The following ARHGAP12 variants were observed in gnomAD, a reference collection of about 807,000 sequenced individuals.
ARHGAP12 encodes Rho GTPase activating protein 12.
In ARHGAP12, 64 loss-of-function variants were observed where a neutral mutation model predicts 108.6. The ratio of observed to expected loss-of-function variants is 0.59; its 90% CI spans 0.48 to 0.73. ARHGAP12 has a LOEUF of 0.73. Ranked by LOEUF, ARHGAP12 falls within the 30% of genes least tolerant of loss-of-function variation. ARHGAP12 has a pLI of 0.00. For missense variants in ARHGAP12, 940 were observed against 1,005.9 expected, an observed-to-expected ratio of 0.93 and a Z score of 0.89; for synonymous variants, 312 against 337.2, an observed-to-expected ratio of 0.93 and a Z score of 0.82.
At chr10:31,807,983 TTCTG>T (rs1834877625) in intron 19 of ARHGAP12, 151 bp from the exon 20 acceptor site, 1 of 514,206 alleles carries the variant, frequency 1.9e-6, no homozygotes, top group Non-Finnish European at 3.1e-6. Context: ...CCAAGTAGAA[TTCTG>T]TCTAAATGCC....
chr10:31,866,405 G>GTTT lies in ARHGAP12; in HGVS notation c.685-4748_685-4747insAAA, dbSNP rs1592309991. On this transcript the variant is annotated intron_variant, in intron 3 of 19. Coordinates refer to ENST00000344936, the MANE Select transcript of ARHGAP12 (RefSeq NM_018287.7). ...GTGAGGCATTGTACAACAATCAGCT[G>GTTT]CAGACTGTAATCTTTGAGAGAAACA... Among the ~76,000 whole-genome samples the GTTT allele has an allele frequency of 2.6e-5, 4 of 152,290 alleles. No individual in the cohort carries two copies. The East Asian group carries it at 7.7e-4, about 29-fold the overall frequency.
At chr10:31,923,938 G>T (rs986397705) in intron 1 of ARHGAP12, among the ~76,000 whole-genome samples, 6 of 152,266 alleles carry the variant, frequency 3.9e-5, no homozygotes, top group South Asian at 2.1e-4. Flanking sequence ...TTGTTATACA[G>T]CAATTATACC....
chr10:31,852,578 T>C lies in ARHGAP12; in HGVS notation c.1109A>G (p.Asp370Gly). The change falls in exon 6 of 20, where the codon GAT becomes GGT. Residue 370 changes from aspartate (D) to glycine (G), a missense_variant. Transcript: ENST00000344936. Reference sequence around the variant, plus strand: ...ACTGTAGTAATATTGTCTACCTTGATCATCAACATGCTTGAGCCACTATAA... The same window carrying C: ...ACTGTAGTAATATTGTCTACCTTGACCATCAACATGCTTGAGCCACTATAA... ...TNEKWLKHVD[D>G]QGRQYYYSAD... 1 of 1,613,250 alleles carries C rather than the reference T, an allele frequency of 6.2e-7. No homozygotes were observed. The highest frequency in any genetic ancestry group is 8.5e-7 in the Non-Finnish European group (1 of 1,179,312).
chr10:31,842,603 T>G (rs1312747305), intron 7 of ARHGAP12, among the ~76,000 whole-genome samples: 1 of 152,108 alleles, frequency 6.6e-6, no homozygotes, highest in Non-Finnish European at 1.5e-5. Context: ...ATGCTTGTTA[T>G]GACTGATAAA....
chr10:31,886,666 C>A (rs1030474258), intron 3 of ARHGAP12, among the ~76,000 whole-genome samples: 2 of 152,204 alleles, frequency 1.3e-5, no homozygotes, highest in South Asian at 2.1e-4. Flanking sequence ...TTATTGGTTT[C>A]GACAGTCCTT....
At chr10:31,827,798 A>C (rs1013184841) in intron 10 of ARHGAP12, among the ~76,000 whole-genome samples, 10 of 151,886 alleles carry the variant, frequency 6.6e-5, no homozygotes, top group African/African-American at 2.4e-4. Flanking sequence ...CACCCAGAAA[A>C]AAAAACAAAA....
intron 3 of ARHGAP12, among the ~76,000 whole-genome samples, chr10:31,887,700 C>T (rs1380896514): frequency 6.7e-6 from 1 of 149,744 alleles, no homozygotes; most frequent in Non-Finnish European, 1.5e-5. Context: ...CTTTGTCGCC[C>T]AGGCTGGAGT....
chr10:31,881,060 T>TC (rs1460626728), intron 3 of ARHGAP12, among the ~76,000 whole-genome samples: 3 of 150,590 alleles, frequency 2.0e-5, no homozygotes, highest in South Asian at 4.2e-4. Context: ...TCCATCTCTA[T>TC]CCCCCTCAGG....
At chr10:31,842,719 G>A (rs1836313637) in intron 7 of ARHGAP12, among the ~76,000 whole-genome samples, 1 of 152,022 alleles carries the variant, frequency 6.6e-6, no homozygotes, top group African/African-American at 2.4e-5. Flanking sequence ...AAAAATTACA[G>A]AAAAACTGTT....
chr10:31,896,449 G>C (rs757137813), intron 3 of ARHGAP12, among the ~76,000 whole-genome samples: 2 of 151,916 alleles, frequency 1.3e-5, no homozygotes, highest in Admixed American at 6.6e-5. Flanking sequence ...TAAATGTCAG[G>C]TTGTCAGTTA....
intron 1 of ARHGAP12, among the ~76,000 whole-genome samples, chr10:31,926,641 C>T (rs72778378): frequency 0.24 from 36,090 of 152,124 alleles, 4,551 homozygotes; most frequent in Non-Finnish European, 0.29. Context: ...GTTTTTACTC[C>T]ATTTAAAAAT....
At chr10:31,913,430 CT>C in intron 1 of ARHGAP12, 1 of 168,386 alleles carries the variant, frequency 5.9e-6, no homozygotes. Context: ...AACGGGCCTC[CT>C]TTGTTTGGCC....
intron 3 of ARHGAP12, among the ~76,000 whole-genome samples, chr10:31,888,815 G>T (rs116971751): frequency 2.0e-5 from 3 of 151,994 alleles, no homozygotes; most frequent in Non-Finnish European, 4.4e-5. Context: ...AAAAGGTTAA[G>T]AAAAAGAGAG....
Position 31,928,393 on chromosome 10 carries a change from A to G in ARHGAP12, c.-111+290T>C, listed in dbSNP as rs913446981. ...GGAAGTCAGGAAACCCAGGGGGCAG[A>G]GAAGCCACAACTTCGGGCCATTTAA... On this transcript the variant is annotated intron_variant, in intron 1 of 19. Transcript: ENST00000344936. Among the ~76,000 whole-genome samples the G allele has an allele frequency of 2.4e-4, 36 of 151,672 alleles. 1 individual carries two copies. Among genetic ancestry groups the G allele is most frequent in the Admixed American group, 2.2e-3 (33 of 15,284 alleles).
chr10:31,862,738 AC>A (rs1837173284), intron 3 of ARHGAP12, among the ~76,000 whole-genome samples: 8 of 145,652 alleles, frequency 5.5e-5, no homozygotes, highest in Admixed American at 2.0e-4. Flanking sequence ...ACACACACAC[AC>A]ACACACACAC....
chr10:31,833,924 C>T (rs905263221), intron 9 of ARHGAP12, among the ~76,000 whole-genome samples: 3 of 152,132 alleles, frequency 2.0e-5, no homozygotes, highest in Admixed American at 2.0e-4. Flanking sequence ...AAAGAATGCA[C>T]TAAGAAAGGG....
At chr10:31,921,822 G>A (rs537748084) in intron 1 of ARHGAP12, among the ~76,000 whole-genome samples, 7 of 138,258 alleles carry the variant, frequency 5.1e-5, no homozygotes, top group Admixed American at 1.4e-4. Context: ...AAAAAGATGA[G>A]AGCAGAAAGC....
At chr10:31,895,903 G>C (rs1285543505) in intron 3 of ARHGAP12, among the ~76,000 whole-genome samples, 5 of 152,284 alleles carry the variant, frequency 3.3e-5, no homozygotes, top group Admixed American at 1.3e-4. Flanking sequence ...GGAATACTAT[G>C]CAGCCATAAA....
rs905167466 is a variant in ARHGAP12, at chr10:31,814,511, G to A, written c.1732-150C>T. The A allele has an allele frequency of 1.4e-5, 9 of 620,720 alleles. No homozygotes were observed. In the African/African-American group the frequency reaches 1.5e-4, roughly 10 times the overall value. 38.5% of individuals were successfully genotyped at this position (620,720 alleles called of 1,614,324 possible). On this transcript the variant is annotated intron_variant, in intron 13 of 19. Transcript: ENST00000344936. ...TACAGTATGTATGACTTAGATATTT[G>A]ATAAATACTTTTTTTCTCCCTAGAT...
Sources: allele counts gnomAD v4.1 joint callset (sites outside exome capture counted in the v4.1 genomes callset), GRCh38; gene constraint gnomAD v4.1.1; transcripts MANE v1.5; gene names NCBI Gene and HGNC (gene_info 2026-07-23, HGNC 2026-07-21).